SYCP1: variants seen among roughly 807,000 people sequenced by gnomAD.
The protein encoded by SYCP1 is cancer/testis antigen 8.
SYCP1 carries 64 observed loss-of-function variants against 153.1 expected under a neutral mutation model. That is an observed-to-expected ratio of 0.42 (90% CI 0.34 to 0.51). SYCP1 has a LOEUF of 0.51. Ranked by LOEUF, SYCP1 falls within the 20% of genes least tolerant of loss-of-function variation. SYCP1 has a pLI of 0.06. For synonymous variants in SYCP1, 384 were observed against 341.8 expected, an observed-to-expected ratio of 1.12 and a Z score of -1.36; for missense variants, 997 against 1,049.0, an observed-to-expected ratio of 0.95 and a Z score of 0.68.
intron 27 of SYCP1, among the ~76,000 whole-genome samples, chr1:114,969,726 C>G (rs1478264307): frequency 3.9e-5 from 6 of 152,144 alleles, no homozygotes; most frequent in Non-Finnish European, 8.8e-5. Flanking sequence ...TAGGTGTCTT[C>G]CCAAACACCC....
chr1:114,994,769 T>C lies in SYCP1; in HGVS notation c.2775T>C (p.Cys925=). The C allele has an allele frequency of 6.3e-7, 1 of 1,592,656 alleles. No homozygotes were observed. Among genetic ancestry groups the C allele is most frequent in the Non-Finnish European group, 8.5e-7 (1 of 1,173,250 alleles). Residue 925 remains cysteine, a synonymous_variant, in exon 31 of 32, where the codon TGT becomes TGC. Coordinates refer to ENST00000369522, the MANE Select transcript of SYCP1 (RefSeq NM_003176.4). The stretch of plus-strand genomic sequence containing the variant: ...ATAATCCACCAGCTTCTCATCTTTG[T>C]GTCAAAACACCAAAAAAGGTAGCTT... ...RNNNPPASHL[C]VKTPKKAPSS...
chr1:114,993,555 ATACC>A (rs1674067300), intron 30 of SYCP1, among the ~76,000 whole-genome samples: 1 of 151,454 alleles, frequency 6.6e-6, no homozygotes, highest in Non-Finnish European at 1.5e-5. Flanking sequence ...GGATAATGGT[ATACC>A]TACTTTATAA....
rs1665776154 is a variant in SYCP1 at position 114,879,577 on chromosome 1, G to T, written c.910+1375G>T. Among the ~76,000 whole-genome samples, 3 of 152,076 alleles carry T rather than the reference G, an allele frequency of 2.0e-5. No individual in the cohort carries two copies. In the South Asian group the frequency reaches 6.2e-4, roughly 32 times the overall value. The stretch of plus-strand genomic sequence containing the variant: ...TAGGAGTGTATTGAGGAGGGATTGG[G>T]TCTTAAATATCTTTGTAACTGTAGT... On this transcript the variant is annotated intron_variant, in intron 12 of 31. Transcript: ENST00000369522.
At chr1:114,941,633 T>A (rs1670395918) in intron 23 of SYCP1, among the ~76,000 whole-genome samples, 1 of 151,956 alleles carries the variant, frequency 6.6e-6, no homozygotes, top group Non-Finnish European at 1.5e-5. Context: ...ACTTTGATGA[T>A]TTTTTTTCCT....
chr1:114,981,559 A>G (rs1253815047), intron 29 of SYCP1, 47 bp downstream of exon 29: 1 of 1,497,184 alleles, frequency 6.7e-7, no homozygotes, highest in Non-Finnish European at 9.0e-7. Context: ...TTAAATAAAT[A>G]AATAAAGTTC....
At chr1:114,903,104 C>A (rs1042847952) in intron 16 of SYCP1, among the ~76,000 whole-genome samples, 1 of 152,092 alleles carries the variant, frequency 6.6e-6, no homozygotes, top group African/African-American at 2.4e-5. Flanking sequence ...CGCTTGAGCC[C>A]GGGAGGCGGA....
chr1:114,897,747 C>T (rs1296825758), intron 16 of SYCP1, among the ~76,000 whole-genome samples: 1 of 152,118 alleles, frequency 6.6e-6, no homozygotes, highest in Non-Finnish European at 1.5e-5. Flanking sequence ...TGAATGGCTA[C>T]TCATCTAGAA....
chr1:114,855,286 G>C (rs1663857274), intron 1 of SYCP1, 155 bp from the exon 2 acceptor site: 1 of 392,598 alleles, frequency 2.5e-6, no homozygotes, highest in Non-Finnish European at 4.6e-6. Context: ...TCCGCGGTAA[G>C]CGACGTTGTA....
At chr1:114,928,298 G>A (rs563835404) in intron 23 of SYCP1, among the ~76,000 whole-genome samples, 39 of 151,962 alleles carry the variant, frequency 2.6e-4, no homozygotes, top group African/African-American at 8.7e-4. Flanking sequence ...AAGGCAGACA[G>A]AAAAAAATGT....
chr1:114,981,219 G>C (rs1673131879), intron 28 of SYCP1, 117 bp from the exon 29 acceptor site: 2 of 708,798 alleles, frequency 2.8e-6, no homozygotes, highest in Non-Finnish European at 4.5e-6. Context: ...GATAAATTTA[G>C]GGATAAATTT....
chr1:114,871,301 G>T (rs1665105044), intron 8 of SYCP1, among the ~76,000 whole-genome samples: 2 of 151,804 alleles, frequency 1.3e-5, no homozygotes. Flanking sequence ...CTGAGTAGCT[G>T]AGATTACAGG....
At chr1:114,908,157 T>C (rs2101656827) in intron 16 of SYCP1, among the ~76,000 whole-genome samples, 1 of 150,644 alleles carries the variant, frequency 6.6e-6, no homozygotes, top group Admixed American at 6.7e-5. Context: ...AATATATTAT[T>C]TATTTACTCT....
At chr1:114,961,884 T>C (rs1412053670) in intron 27 of SYCP1, among the ~76,000 whole-genome samples, 1 of 152,100 alleles carries the variant, frequency 6.6e-6, no homozygotes, top group East Asian at 1.9e-4. Flanking sequence ...ATTAAGTCCA[T>C]TTTTTCTTTG....
intron 27 of SYCP1, among the ~76,000 whole-genome samples, chr1:114,960,137 AG>A (rs988823864): frequency 1.1e-4 from 16 of 146,378 alleles, no homozygotes; most frequent in African/African-American, 3.8e-4. Flanking sequence ...TACAGTCTAT[AG>A]CAGCTGATTA....
At chr1:114,989,509 T>G (rs1364764910) in intron 30 of SYCP1, among the ~76,000 whole-genome samples, 1 of 151,994 alleles carries the variant, frequency 6.6e-6, no homozygotes, top group Non-Finnish European at 1.5e-5. Flanking sequence ...ATGTCCTTCC[T>G]TATAGATCAT....
At chr1:114,893,023 G>A (rs1358165369) in intron 15 of SYCP1, among the ~76,000 whole-genome samples, 1 of 152,112 alleles carries the variant, frequency 6.6e-6, no homozygotes, top group Non-Finnish European at 1.5e-5. Flanking sequence ...GGGTCCAAAG[G>A]ACCCTTCCTT....
chr1:114,877,926 A>T (rs1370824041), intron 11 of SYCP1, among the ~76,000 whole-genome samples, 168 bp from the exon 12 acceptor site: 1 of 152,200 alleles, frequency 6.6e-6, no homozygotes. Flanking sequence ...TAATAGGGCC[A>T]GTTCTCTGAC....
At chr1:114,948,654 C>A (rs1670904236) in intron 27 of SYCP1, among the ~76,000 whole-genome samples, 1 of 152,196 alleles carries the variant, frequency 6.6e-6, no homozygotes, top group South Asian at 2.1e-4. Flanking sequence ...ACTCTGTGCC[C>A]CCTGTTATAT....
At chr1:114,975,121 T>A (rs72695842) in intron 27 of SYCP1, among the ~76,000 whole-genome samples, 1 of 151,796 alleles carries the variant, frequency 6.6e-6, no homozygotes, top group Non-Finnish European at 1.5e-5. Context: ...ACATTGTATA[T>A]CTTCTTTGGT....
Sources: allele counts gnomAD v4.1 joint callset (sites outside exome capture counted in the v4.1 genomes callset), GRCh38; gene constraint gnomAD v4.1.1; transcripts MANE v1.5; gene names NCBI Gene and HGNC (gene_info 2026-07-23, HGNC 2026-07-21).